Variants in PTPRD observed in about 807,000 individuals in gnomAD.
PTPRD encodes the protein protein tyrosine phosphatase receptor type D, also known as receptor-type tyrosine-protein phosphatase delta.
A neutral mutation model predicts 214.5 loss-of-function variants in PTPRD; 34 were observed. The ratio of observed to expected loss-of-function variants is 0.16; its 90% CI spans 0.12 to 0.21. The LOEUF (loss-of-function observed/expected upper bound fraction) is 0.21, where lower values mean the gene tolerates loss of function less well. PTPRD is among the 10% of genes least tolerant of loss of function. The pLI is 1.00. For missense variants in PTPRD, 2,545 were observed against 2,398.7 expected (o/e 1.06, Z -1.27); for synonymous variants, 1,128 against 845.7 (o/e 1.33, Z -5.79).
At chr9:10,091,630 A>T (rs2098432640) in intron 3 of PTPRD, among the ~76,000 whole-genome samples, 1 of 151,528 alleles carries the variant, frequency 6.6e-6, no homozygotes. Flanking sequence ...CAATTAAACG[A>T]CAGGAAATGT....
At chr9:8,984,967 G>A (rs1215019729) in intron 11 of PTPRD, among the ~76,000 whole-genome samples, 3 of 151,910 alleles carry the variant, frequency 2.0e-5, no homozygotes, top group African/African-American at 7.2e-5. Context: ...TTTGGGCTTT[G>A]GAAATGATTG....
chr9:8,899,292 G>A (rs772354630), intron 11 of PTPRD, among the ~76,000 whole-genome samples: 4 of 152,124 alleles, frequency 2.6e-5, no homozygotes, highest in Non-Finnish European at 4.4e-5. Context: ...AAGGTAGCAT[G>A]CCCTCTTTAA....
At chr9:9,538,784 G>C (rs764475511) in intron 8 of PTPRD, among the ~76,000 whole-genome samples, 2 of 151,752 alleles carry the variant, frequency 1.3e-5, no homozygotes, top group Non-Finnish European at 2.9e-5. Context: ...TATGAAAAAG[G>C]CTTTGGTTCA....
chr9:8,947,932 T>G (rs1378842170), intron 11 of PTPRD, among the ~76,000 whole-genome samples: 1 of 152,040 alleles, frequency 6.6e-6, no homozygotes, highest in African/African-American at 2.4e-5. Flanking sequence ...ATTACTAGTA[T>G]CATTGCATCG....
intron 5 of PTPRD, among the ~76,000 whole-genome samples, chr9:9,870,693 G>C (rs1202271338): frequency 6.6e-6 from 1 of 151,974 alleles, no homozygotes; most frequent in Non-Finnish European, 1.5e-5. Context: ...CTTAAGACAT[G>C]TCTTCTGAAA....
At chr9:9,601,987 T>C (rs10977861) in intron 7 of PTPRD, among the ~76,000 whole-genome samples, 13,850 of 152,154 alleles carry the variant, frequency 0.091, 708 homozygotes, top group Middle Eastern at 0.18. Context: ...GTAGTTTTAA[T>C]TGAAGATTGG....
chr9:9,308,520 T>C (rs992131793), intron 9 of PTPRD, among the ~76,000 whole-genome samples: 7 of 152,338 alleles, frequency 4.6e-5, no homozygotes, highest in South Asian at 2.1e-4. Context: ...AACTTTGTAC[T>C]GAGATTCACT....
At chr9:9,526,227 T>C (rs908384006) in intron 8 of PTPRD, among the ~76,000 whole-genome samples, 6 of 152,238 alleles carry the variant, frequency 3.9e-5, no homozygotes, top group African/African-American at 4.8e-5. Flanking sequence ...CCACAATTAA[T>C]GTATGCAGCC....
intron 2 of PTPRD, among the ~76,000 whole-genome samples, chr9:10,373,586 A>G (rs1232008523): frequency 6.6e-6 from 1 of 152,090 alleles, no homozygotes; most frequent in Admixed American, 6.6e-5. Context: ...GTGAAGTCAA[A>G]GGAAAATAGA....
chr9:9,066,100 C>A (rs1356160462), intron 10 of PTPRD, among the ~76,000 whole-genome samples: 4 of 151,492 alleles, frequency 2.6e-5, no homozygotes, highest in Non-Finnish European at 5.9e-5. Context: ...GTTGTTGCAA[C>A]TGCATTCATG....
chr9:8,357,034 T>C (rs2077141355), intron 39 of PTPRD, among the ~76,000 whole-genome samples: 1 of 152,208 alleles, frequency 6.6e-6, no homozygotes, highest in Non-Finnish European at 1.5e-5. Context: ...GAAGGGTATT[T>C]ATTCTGCTGA....
At chr9:9,793,162 A>T (rs769662628) in intron 5 of PTPRD, among the ~76,000 whole-genome samples, 3 of 152,112 alleles carry the variant, frequency 2.0e-5, no homozygotes, top group African/African-American at 7.2e-5. Flanking sequence ...TGCCATGACA[A>T]AATTATTTTT....
intron 9 of PTPRD, among the ~76,000 whole-genome samples, chr9:9,317,142 A>G (rs565873251): frequency 6.6e-6 from 1 of 152,302 alleles, no homozygotes; most frequent in African/African-American, 2.4e-5. Context: ...CTGAAAGTAC[A>G]TAAGATTTCT....
At chr9:8,934,496 T>TAA (rs1206284809) in intron 11 of PTPRD, among the ~76,000 whole-genome samples, 2 of 31,740 alleles carry the variant, frequency 6.3e-5, no homozygotes, top group African/African-American at 2.6e-4. Context: ...TATATATAAA[T>TAA]ATATATATAA....
At chr9:10,443,629 T>G (rs1446070984) in intron 2 of PTPRD, among the ~76,000 whole-genome samples, 1 of 151,632 alleles carries the variant, frequency 6.6e-6, no homozygotes. Context: ...TTTCTTTGCG[T>G]GGAATGCAGA....
At chr9:9,154,272 C>A (rs2099879330) in intron 10 of PTPRD, among the ~76,000 whole-genome samples, 1 of 152,146 alleles carries the variant, frequency 6.6e-6, no homozygotes, top group Non-Finnish European at 1.5e-5. Flanking sequence ...TTGTTACCGT[C>A]TTAGTCTGTT....
intron 8 of PTPRD, among the ~76,000 whole-genome samples, chr9:9,564,841 C>T (rs945913550): frequency 4.1e-5 from 6 of 146,572 alleles, no homozygotes; most frequent in Middle Eastern, 3.4e-3. Context: ...CTTGTTCTGC[C>T]TCCAGAAATG....
chr9:8,924,097 T>C (rs1044387628), intron 11 of PTPRD, among the ~76,000 whole-genome samples: 2 of 137,066 alleles, frequency 1.5e-5, no homozygotes, highest in Non-Finnish European at 3.1e-5. Context: ...TTTGTCTTCA[T>C]AAGGCGCAGT....
chr9:8,698,502 G>T (rs1028720432), intron 12 of PTPRD, among the ~76,000 whole-genome samples: 1 of 152,100 alleles, frequency 6.6e-6, no homozygotes, highest in East Asian at 1.9e-4. Flanking sequence ...CAAATAGCTG[G>T]ATTTAAAAAT....
Sources: gnomAD v4.1 joint callset for allele counts (sites outside exome capture counted in the v4.1 genomes callset) on GRCh38, gnomAD v4.1.1 for gene constraint, MANE v1.5 for transcripts, NCBI Gene and HGNC (gene_info 2026-07-23, HGNC 2026-07-21) for gene names.